The following ZMAT1 variants were observed in gnomAD, a reference collection of about 807,000 sequenced individuals.
ZMAT1 encodes zinc finger matrin-type protein 1.
ZMAT1 carries 11 observed loss-of-function variants against 18.5 expected under a neutral mutation model. The ratio of observed to expected loss-of-function variants is 0.59; its 90% CI spans 0.37 to 0.98. The LOEUF is 0.98. Among genes scored for constraint, ZMAT1 ranks in the 50% least tolerant of loss-of-function variants. The pLI, the probability that ZMAT1 is intolerant of heterozygous loss-of-function variation, is 0.01. For synonymous variants in ZMAT1, 211 were observed against 176.4 expected (o/e 1.20, Z -1.55); for missense variants, 525 against 496.2 (o/e 1.06, Z -0.55).
chrX:101,931,852 TGGCGGAGGA>T lies in ZMAT1; in HGVS notation c.148_156del (p.Ser50_Ala52del). ...GCAGGCGGGCAGGCAGGGGCGGAGG[TGGCGGAGGA>T]GGCAGGAACAATTACTGCCGCCGCC... On this transcript the variant is annotated inframe_deletion, in exon 1 of 6. Coordinates refer to ENST00000651725, the MANE Select transcript of ZMAT1 (RefSeq NM_001394560.1). 3 of 787,913 alleles carry T rather than the reference TGGCGGAGGA, an allele frequency of 3.8e-6. No homozygotes were observed. Among genetic ancestry groups the T allele is most frequent in the Non-Finnish European group, 4.5e-6 (3 of 665,031 alleles). 64.9% of individuals were successfully genotyped at this position (787,913 alleles called of 1,213,427 possible). A position where few individuals can be genotyped will look rare whatever the true frequency, so the allele number is the denominator to read the frequency against.
chrX:101,909,942 G>A (rs1256428386), intron 1 of ZMAT1, among the ~76,000 whole-genome samples: 2 of 112,027 alleles, frequency 1.8e-5, no homozygotes, highest in Non-Finnish European at 3.8e-5. Context: ...GCAGTAGTAA[G>A]GGAGTGGTTA....
chrX:101,886,944 C>T, intron 4 of ZMAT1: 4 of 326,400 alleles, frequency 1.2e-5, no homozygotes, highest in Non-Finnish European at 1.6e-5. Flanking sequence ...TAATTGAATG[C>T]CCAGAATTCT....
chrX:101,902,087 T>C (rs950174190), intron 2 of ZMAT1, among the ~76,000 whole-genome samples: 2 of 112,324 alleles, frequency 1.8e-5, no homozygotes, highest in Non-Finnish European at 3.8e-5. Context: ...TTGAAGCAGT[T>C]TACATCTCCA....
chrX:101,898,723 T>C (rs1033190935), intron 2 of ZMAT1, among the ~76,000 whole-genome samples: 7 of 111,537 alleles, frequency 6.3e-5, no homozygotes, highest in East Asian at 2.8e-4. Flanking sequence ...CATGGTGACA[T>C]TGAGGAGGAA....
Position 101,884,466 on chromosome X carries a change from C to T in ZMAT1, c.1132G>A (p.Asp378Asn), listed in dbSNP as rs139010664. 2 of 1,209,533 alleles carry T rather than the reference C, an allele frequency of 1.7e-6. No individual in the cohort carries two copies. The highest frequency in any genetic ancestry group is 3.5e-5 in the South Asian group (2 of 56,848). ...YIKVQKARGLDPKTCFRKMRE... is the reference protein window; with the variant it reads ...YIKVQKARGLNPKTCFRKMRE... The stretch of plus-strand genomic sequence containing the variant: ...ATCTTTCTGAAACAAGTCTTTGGAT[C>T]TAGTCCTCTGGCTTTCTGTACTTTG... Residue 378 changes from aspartate (D) to asparagine (N), a missense_variant, in exon 6 of 6, where the codon GAT (aspartate) becomes AAT (asparagine). By Grantham distance (23) the Asp-to-Asn change is conservative. Coordinates refer to ENST00000651725, the MANE Select transcript of ZMAT1 (RefSeq NM_001394560.1).
intron 4 of ZMAT1, chrX:101,895,914 C>T (rs1927767969): frequency 1.5e-6 from 1 of 662,423 alleles, no homozygotes; most frequent in Non-Finnish European, 1.8e-6. Flanking sequence ...GTGATAAACA[C>T]ATTTTCAGAT....
intron 1 of ZMAT1, among the ~76,000 whole-genome samples, chrX:101,907,555 C>G: frequency 8.9e-6 from 1 of 112,116 alleles, no homozygotes; most frequent in South Asian, 3.7e-4. Flanking sequence ...GACATAGCAC[C>G]ACCACAAGAA....
intron 5 of ZMAT1, among the ~76,000 whole-genome samples, chrX:101,886,196 CTT>C (rs1160165046): frequency 5.4e-5 from 6 of 111,710 alleles, no homozygotes; most frequent in Admixed American, 1.9e-4. Flanking sequence ...AAGTTATACA[CTT>C]GGTAGAAAAA....
At chrX:101,911,844 G>C in intron 1 of ZMAT1, 1 of 1,206,640 alleles carries the variant, frequency 8.3e-7, no homozygotes, top group Non-Finnish European at 1.1e-6. Flanking sequence ...TGCAATGAGT[G>C]TGGGAAATCC....
chrX:101,894,355 A>T, intron 4 of ZMAT1: 1 of 661,254 alleles, frequency 1.5e-6, no homozygotes, highest in Non-Finnish European at 1.8e-6. Flanking sequence ...AGGGCTGGAG[A>T]TAAGGGGAGA....
chrX:101,922,158 A>G (rs1197115554), intron 1 of ZMAT1, among the ~76,000 whole-genome samples: 1 of 111,307 alleles, frequency 9.0e-6, no homozygotes, highest in Non-Finnish European at 1.9e-5. Context: ...CTGAGAACAA[A>G]TTTATAAAAT....
chrX:101,919,057 G>C (rs1380817029), intron 1 of ZMAT1, among the ~76,000 whole-genome samples: 1 of 110,360 alleles, frequency 9.1e-6, no homozygotes, highest in African/African-American at 3.3e-5. Flanking sequence ...AATATTCCTA[G>C]GATTAAAATC....
chrX:101,920,753 G>C (rs999627697), intron 1 of ZMAT1, among the ~76,000 whole-genome samples: 1 of 111,979 alleles, frequency 8.9e-6, no homozygotes, highest in African/African-American at 3.2e-5. Flanking sequence ...TAATCAATCA[G>C]GGTTTTCTAT....
At chrX:101,896,572 T>C (rs772335881) in intron 4 of ZMAT1, among the ~76,000 whole-genome samples, 3 of 112,526 alleles carry the variant, frequency 2.7e-5, no homozygotes, top group South Asian at 3.7e-4. Context: ...TCTTGTGGCA[T>C]TGACTTTGCT....
intron 1 of ZMAT1, among the ~76,000 whole-genome samples, chrX:101,929,850 T>A (rs1803369630): frequency 9.0e-6 from 1 of 111,549 alleles, no homozygotes; most frequent in Admixed American, 9.5e-5. Flanking sequence ...GTTGATACTT[T>A]CAGATCTGAA....
intron 1 of ZMAT1, among the ~76,000 whole-genome samples, chrX:101,918,251 C>T (rs1247550681): frequency 9.0e-6 from 1 of 111,243 alleles, no homozygotes; most frequent in Non-Finnish European, 1.9e-5. Context: ...TTATTTCACA[C>T]TGCATGCCTG....
intron 4 of ZMAT1, chrX:101,894,628 G>T: frequency 3.5e-6 from 2 of 564,618 alleles, no homozygotes; most frequent in Non-Finnish European, 4.3e-6. Context: ...GTAAGGTCAA[G>T]GATGAAACCA....
intron 1 of ZMAT1, among the ~76,000 whole-genome samples, chrX:101,930,544 T>C (rs934428462): frequency 4.4e-5 from 5 of 112,409 alleles, no homozygotes; most frequent in Non-Finnish European, 9.4e-5. Context: ...CAGGGATATA[T>C]CATTTAAGAA....
chrX:101,886,491 T>C (rs1025872011), intron 5 of ZMAT1, 141 bp downstream of exon 5: 1 of 441,496 alleles, frequency 2.3e-6, no homozygotes, highest in Non-Finnish European at 4.0e-6. Flanking sequence ...GTATGCAATA[T>C]GTTACAAATA....
Sources: allele counts gnomAD v4.1 joint callset (sites outside exome capture counted in the v4.1 genomes callset), GRCh38; gene constraint gnomAD v4.1.1; transcripts MANE v1.5; gene names NCBI Gene and HGNC (gene_info 2026-07-23, HGNC 2026-07-21).